The following FBXO2 variants were observed in gnomAD, a reference collection of about 807,000 sequenced individuals.
FBXO2 encodes F-box only protein 2.
In FBXO2, 32 loss-of-function variants were observed where a neutral mutation model predicts 38.6. That is an observed-to-expected ratio of 0.83 (90% CI 0.62 to 1.11). FBXO2 has a LOEUF of 1.11. Ranked by LOEUF, FBXO2 falls within the 50% of genes most tolerant of loss-of-function variation. The pLI is 0.00. For missense variants in FBXO2, 450 were observed against 418.3 expected, an observed-to-expected ratio of 1.08 and a Z score of -0.66; for synonymous variants, 189 against 182.9, an observed-to-expected ratio of 1.03 and a Z score of -0.27.
intron 1 of FBXO2, 89 bp from the exon 2 acceptor site, chr1:11,650,923 A>C (rs1570220639): frequency 2.1e-6 from 3 of 1,454,608 alleles, no homozygotes; most frequent in Non-Finnish European, 2.7e-6. Context: ...AACCTCCCCC[A>C]CCCACCGTGG....
chr1:11,649,628 G>A, intron 4 of FBXO2, 151 bp downstream of exon 4: 1 of 713,582 alleles, frequency 1.4e-6, no homozygotes, highest in Non-Finnish European at 2.3e-6. Context: ...TGCAAACACG[G>A]AAGTTGTCAA....
At position 11,650,016 on chromosome 1, in the gene FBXO2, C is replaced by T. The variant is rs760524288; in HGVS notation, c.450G>A (p.Glu150=). ...ACTCCACCCCACTGTCTCCAGGCAG[C>T]TCCTCCACCCTCCAGCCGTCCCCAC... is the stretch of plus-strand genomic sequence containing the variant. ...EHGGDGWRVE[E]LPGDSGVEFT... is the part of the protein sequence containing the mutation. Residue 150 remains glutamate, a synonymous_variant, in exon 3 of 6, where the codon GAG becomes GAA. Transcript: ENST00000354287. 1 of 1,614,088 alleles carries T rather than the reference C, an allele frequency of 6.2e-7. No individual in the cohort carries two copies. Among genetic ancestry groups the T allele is most frequent in the Admixed American group, 1.7e-5 (1 of 60,026 alleles).
Position 11,648,871 on chromosome 1 carries a change from G to A in FBXO2, c.757-43C>T, listed in dbSNP as rs1557653013. On this transcript the variant is annotated intron_variant, in intron 5 of 5. Coordinates refer to ENST00000354287, the MANE Select transcript of FBXO2 (RefSeq NM_012168.6). This position sits in a 1 kb window ranked among gnomAD's most constrained non-coding sequence, Gnocchi z 4.2. Reference sequence around the variant, plus strand: ...AAGAGTCAGCCTCGGAGGTCCTGAGGCCTCTCCTGCCGCCCCACCCCGGTA... The same window carrying A: ...AAGAGTCAGCCTCGGAGGTCCTGAGACCTCTCCTGCCGCCCCACCCCGGTA... 6 of 1,606,196 alleles carry A rather than the reference G, an allele frequency of 3.7e-6. No homozygotes were observed. The highest frequency in any genetic ancestry group is 2.2e-5 in the South Asian group (2 of 90,820).
intron 1 of FBXO2, among the ~76,000 whole-genome samples, chr1:11,652,052 C>T (rs2103665): frequency 0.05 from 7,637 of 152,312 alleles, 242 homozygotes; most frequent in South Asian, 0.08. Context: ...TGACCTCCAA[C>T]TCCTGGACTC....
Position 11,648,890 on chromosome 1 carries a change from C to G in FBXO2, c.757-62G>C. The G allele has an allele frequency of 2.5e-6, 4 of 1,594,354 alleles. No homozygotes were observed. The Admixed American group carries it at 6.7e-5, about 27-fold the overall frequency. ...CCTGAGGCCTCTCCTGCCGCCCCAC[C>G]CCGGTACACCGACCGACCTGCAGCT... On this transcript the variant is annotated intron_variant, in intron 5 of 5. Transcript: ENST00000354287. The surrounding 1 kb of genome is among the most constrained non-coding windows in gnomAD (Gnocchi z 4.2).
chr1:11,650,122 G>C lies in FBXO2; in HGVS notation c.392-48C>G, dbSNP rs746872106. On this transcript the variant is annotated intron_variant, in intron 2 of 5. Transcript: ENST00000354287. Reference sequence around the variant, plus strand: ...CCCTGGTCACTCAGTCCCTGCTAAGGCTGGCTCTTGCCACTATGTGGTGGG... The same window carrying C: ...CCCTGGTCACTCAGTCCCTGCTAAGCCTGGCTCTTGCCACTATGTGGTGGG... 3.7e-6 allele frequency: 6 copies of C among 1,606,476 alleles called. No homozygotes were observed. The South Asian group carries it at 4.4e-5, about 12-fold the overall frequency.
In FBXO2 at chr1:11,648,995, C is replaced by CCCAGCCCAGCCCCGCCCAG; in HGVS notation, c.756+91_756+92insCTGGGCGGGGCTGGGCTGG. On this transcript the variant is annotated intron_variant, in intron 5 of 5. Coordinates refer to ENST00000354287, the MANE Select transcript of FBXO2 (RefSeq NM_012168.6). The surrounding 1 kb of genome is among the most constrained non-coding windows in gnomAD (Gnocchi z 4.2). Reference sequence around the variant, plus strand: ...TCTCAGCCCAGCCCAGCCCAGCCCACCCCAGCCCAGGAGCGCTGTGGGCGG... The same window carrying CCCAGCCCAGCCCCGCCCAG: ...TCTCAGCCCAGCCCAGCCCAGCCCACCCAGCCCAGCCCCGCCCAGCCCAGCCCAGGAGCGCTGTGGGCGG... 7.4e-7 allele frequency: 1 copy of CCCAGCCCAGCCCCGCCCAG among 1,349,030 alleles called. No individual in the cohort carries two copies. The highest frequency in any genetic ancestry group is 1.0e-6 in the Non-Finnish European group (1 of 981,502). 83.6% of individuals were successfully genotyped at this position (1,349,030 alleles called of 1,614,324 possible).
In FBXO2 at chr1:11,648,995, C is replaced by G. The variant is rs4397658; in HGVS notation, c.756+92G>C. 0.25 allele frequency: 330,187 copies of G among 1,345,692 alleles called. 76,882 individuals carry two copies. Among genetic ancestry groups the G allele is most frequent in the African/African-American group, 0.52 (36,366 of 70,270 alleles). The allele number at this position is 1,345,692 out of a possible 1,614,324, so 83.4% of individuals were successfully genotyped here. A position where few individuals can be genotyped will look rare whatever the true frequency, so the allele number is the denominator to read the frequency against. On this transcript the variant is annotated intron_variant, in intron 5 of 5. Coordinates refer to ENST00000354287, the MANE Select transcript of FBXO2 (RefSeq NM_012168.6). The surrounding 1 kb of genome is among the most constrained non-coding windows in gnomAD (Gnocchi z 4.2). ...TCTCAGCCCAGCCCAGCCCAGCCCA[C>G]CCCAGCCCAGGAGCGCTGTGGGCGG... is the stretch of plus-strand genomic sequence containing the variant.
At chr1:11,652,751 C>A (rs1394291972) in intron 1 of FBXO2, among the ~76,000 whole-genome samples, 1 of 152,158 alleles carries the variant, frequency 6.6e-6, no homozygotes, top group East Asian at 1.9e-4. Flanking sequence ...AGGCCAGGCA[C>A]TGGGGAAGGG....
chr1:11,649,119 G>C lies in FBXO2; in HGVS notation c.724C>G (p.Pro242Ala). 1 of 1,598,926 alleles carries C rather than the reference G, an allele frequency of 6.3e-7. No homozygotes were observed. The highest frequency in any genetic ancestry group is 8.5e-7 in the Non-Finnish European group (1 of 1,173,784). Residue 242 changes from proline to alanine, a missense_variant, in exon 5 of 6, where the codon CCC becomes GCC. Physicochemically the swap from Pro to Ala is conservative, Grantham distance 27. Transcript: ENST00000354287. ...AEFSSGQVAV[P>A]QDSDGGGWME... Reference sequence around the variant, plus strand: ...CAGCCCCCGCCGTCACTGTCTTGGGGCACTGCCACCTGCCCGCTGCTGAAC... The same window carrying C: ...CAGCCCCCGCCGTCACTGTCTTGGGCCACTGCCACCTGCCCGCTGCTGAAC...
At position 11,650,545 on chromosome 1, in the gene FBXO2, C is replaced by T; in HGVS notation, c.312G>A (p.Glu104=). ...QEGLVPEGGV[E]EERDHWQQFY... ...ACTGCTGCCAGTGGTCGCGCTCCTCCTCCACGCCGCCCTCGGGCACCAGCC... is the reference window on the plus strand; with the variant it reads ...ACTGCTGCCAGTGGTCGCGCTCCTCTTCCACGCCGCCCTCGGGCACCAGCC... Residue 104 remains glutamate, a synonymous_variant, in exon 2 of 6, where the codon GAG becomes GAA. Coordinates refer to ENST00000354287, the MANE Select transcript of FBXO2 (RefSeq NM_012168.6). The T allele has an allele frequency of 6.3e-7, 1 of 1,599,358 alleles. No homozygotes were observed. The highest frequency in any genetic ancestry group is 8.5e-7 in the Non-Finnish European group (1 of 1,174,468).
chr1:11,649,822 C>T lies in FBXO2; in HGVS notation c.574G>A (p.Glu192Lys), dbSNP rs772514172. 1.9e-6 allele frequency: 3 copies of T among 1,614,004 alleles called. No individual in the cohort carries two copies. Among genetic ancestry groups the T allele is most frequent in the Non-Finnish European group, 2.5e-6 (3 of 1,180,010 alleles). Residue 192 changes from glutamate to lysine, a missense_variant, in exon 4 of 6, where the codon GAG (glutamate) becomes AAG (lysine). Glu to Lys is a moderately conservative substitution (Grantham distance 56). Transcript: ENST00000354287. ...GCCGGCTGAGTCGTGTCCAGCAGCT[C>T]CTCCCAGTAGCCCTCAGCCTGCAGG... is the stretch of plus-strand genomic sequence containing the variant. Reference protein sequence around the residue: ...IDLQAEGYWEELLDTTQPAIV... With the variant: ...IDLQAEGYWEKLLDTTQPAIV...
In FBXO2 at chr1:11,648,851, T is replaced by C. The variant is rs1211757122; in HGVS notation, c.757-23A>G. The C allele has an allele frequency of 6.2e-7, 1 of 1,612,260 alleles. No individual in the cohort carries two copies. The highest frequency in any genetic ancestry group is 8.5e-7 in the Non-Finnish European group (1 of 1,179,506). ...GATCTGGGGGTGGAGGTAACAAGAG[T>C]CAGCCTCGGAGGTCCTGAGGCCTCT... is the stretch of plus-strand genomic sequence containing the variant. On this transcript the variant is annotated intron_variant, in intron 5 of 5. Coordinates refer to ENST00000354287, the MANE Select transcript of FBXO2 (RefSeq NM_012168.6). The surrounding 1 kb of genome is among the most constrained non-coding windows in gnomAD (Gnocchi z 4.2).
In FBXO2 at chr1:11,650,757, C is replaced by A. The variant is rs775726014; in HGVS notation, c.100G>T (p.Asp34Tyr). ...GCCGCCGCCTCCTCCTCCTGCTGGT[C>A]CTCCGGCCGCTCCTCCTCAGCACTC... is the stretch of plus-strand genomic sequence containing the variant. ...EASAEEERPE[D>Y]QQEEEAAAAA... Residue 34 changes from aspartate to tyrosine, a missense_variant, in exon 2 of 6, where the codon GAC becomes TAC. Physicochemically the swap from Asp to Tyr is radical, Grantham distance 160. Transcript: ENST00000354287. 1 of 1,531,824 alleles carries A rather than the reference C, an allele frequency of 6.5e-7. No homozygotes were observed. The highest frequency in any genetic ancestry group is 1.2e-5 in the South Asian group (1 of 83,856). The allele number at this position is 1,531,824 out of a possible 1,614,324, so 94.9% of individuals were successfully genotyped here.
chr1:11,650,934 G>T, intron 1 of FBXO2, 100 bp from the exon 2 acceptor site: 1 of 1,432,800 alleles, frequency 7.0e-7, no homozygotes. Context: ...CCCACCGTGG[G>T]ACAATCCACA....
chr1:11,652,760 G>A (rs2100588564), intron 1 of FBXO2, among the ~76,000 whole-genome samples: 1 of 152,278 alleles, frequency 6.6e-6, no homozygotes, highest in East Asian at 1.9e-4. Context: ...ACTGGGGAAG[G>A]GGACAGGTGG....
At position 11,650,058 on chromosome 1, in the gene FBXO2, C is replaced by G. The variant is rs148452791; in HGVS notation, c.408G>C (p.Trp136Cys). Residue 136 changes from tryptophan (W) to cysteine (C), a missense_variant, in exon 3 of 6, where the codon TGG becomes TGC. Transcript: ENST00000354287. ...CGTCCCCACCATGCTCCACGTCACA[C>G]CAGCCTTCCAAGTCCTCTGTAGGGA... ...NPCGEEDLEG[W>C]CDVEHGGDGW... 3.7e-6 allele frequency: 6 copies of G among 1,614,116 alleles called. No individual in the cohort carries two copies. Among genetic ancestry groups the G allele is most frequent in the South Asian group, 3.3e-5 (3 of 91,080 alleles).
chr1:11,651,276 T>C (rs1390752094), intron 1 of FBXO2, among the ~76,000 whole-genome samples: 1 of 152,172 alleles, frequency 6.6e-6, no homozygotes, highest in African/African-American at 2.4e-5. Context: ...TCCTAGCTTT[T>C]GTCCTGGGGT....
intron 2 of FBXO2, 25 bp downstream of exon 2, chr1:11,650,441 A>AGCTC: frequency 6.2e-7 from 1 of 1,600,330 alleles, no homozygotes; most frequent in Non-Finnish European, 8.5e-7. Flanking sequence ...GGGGAAGCTG[A>AGCTC]GCTCGCCCAG....
Sources: allele counts gnomAD v4.1 joint callset (sites outside exome capture counted in the v4.1 genomes callset), GRCh38; gene constraint gnomAD v4.1.1; non-coding constraint Gnocchi (gnomAD v3.1); transcripts MANE v1.5; gene names NCBI Gene and HGNC (gene_info 2026-07-23, HGNC 2026-07-21).